The following AFF1 variants were observed in gnomAD, a reference collection of about 807,000 sequenced individuals.
AFF1 encodes AF4/FMR2 family member 1.
A neutral mutation model predicts 121.7 loss-of-function variants in AFF1; 48 were observed. The ratio of observed to expected loss-of-function variants is 0.39; its 90% CI spans 0.31 to 0.50. The LOEUF is 0.50. AFF1 is among the 20% of genes least tolerant of loss of function. AFF1 has a pLI of 0.76. For missense variants in AFF1, 1,523 were observed against 1,511.7 expected (o/e 1.01, Z -0.12); for synonymous variants, 613 against 563.0 (o/e 1.09, Z -1.26).
At chr4:87,028,661 A>G (rs959528964) in intron 2 of AFF1, among the ~76,000 whole-genome samples, 2 of 152,212 alleles carry the variant, frequency 1.3e-5, no homozygotes, top group Non-Finnish European at 2.9e-5. Context: ...TCTCTTGCTG[A>G]GAATTAAAGA....
At chr4:87,128,007 C>CT (rs1728467497) in intron 16 of AFF1, among the ~76,000 whole-genome samples, 1 of 152,160 alleles carries the variant, frequency 6.6e-6, no homozygotes. Context: ...AGTTTTGTAT[C>CT]TAAGTAAGTC....
chr4:87,111,019 T>A lies in AFF1; in HGVS notation c.1533+2704T>A, dbSNP rs1426665345. ...CTTTATTTTTTTTTTTTTATTTTTT[T>A]TTTTTTGAGACGGAGTCTCGCTCTG... On this transcript the variant is annotated intron_variant, in intron 11 of 20. Transcript: ENST00000395146. 1.0e-4 allele frequency among the ~76,000 whole-genome samples: 9 copies of A among 87,412 alleles called. 3 individuals carry two copies. Among genetic ancestry groups the A allele is most frequent in the East Asian group, 3.1e-4 (1 of 3,230 alleles). 57.3% of individuals were successfully genotyped at this position (87,412 alleles called of 152,430 possible).
intron 2 of AFF1, among the ~76,000 whole-genome samples, chr4:86,995,628 G>A (rs1160786442): frequency 6.6e-6 from 1 of 150,870 alleles, no homozygotes; most frequent in Non-Finnish European, 1.5e-5. Context: ...ATGGTGCCCA[G>A]GCTGGAGTGC....
At chr4:87,091,917 A>ATCTCT in intron 7 of AFF1, 88 bp downstream of exon 7, 2 of 857,354 alleles carry the variant, frequency 2.3e-6, no homozygotes, top group Non-Finnish European at 3.7e-6. Context: ...AAAATGCCCC[A>ATCTCT]GCAGAGATGA....
At chr4:87,079,118 G>A (rs866720082) in intron 4 of AFF1, among the ~76,000 whole-genome samples, 2 of 152,036 alleles carry the variant, frequency 1.3e-5, no homozygotes, top group African/African-American at 2.4e-5. Context: ...GGCTTCCCTC[G>A]TCAGCACATT....
chr4:86,962,446 T>A (rs1722221820), intron 2 of AFF1, among the ~76,000 whole-genome samples: 1 of 152,242 alleles, frequency 6.6e-6, no homozygotes, highest in Non-Finnish European at 1.5e-5. Flanking sequence ...GAGTGCTTGG[T>A]ACTCAATAGA....
chr4:87,084,200 T>C (rs760675168), intron 5 of AFF1, 36 bp downstream of exon 5: 4 of 1,596,884 alleles, frequency 2.5e-6, no homozygotes, highest in South Asian at 2.2e-5. Context: ...TTTGAAGAAA[T>C]ATTTAAGTAG....
At chr4:87,075,598 G>A (rs903567672) in intron 4 of AFF1, among the ~76,000 whole-genome samples, 11 of 152,086 alleles carry the variant, frequency 7.2e-5, no homozygotes, top group Non-Finnish European at 1.6e-4. Context: ...CTGACGTTCT[G>A]ATGTTACTGT....
At chr4:86,968,765 G>C (rs182421867) in intron 2 of AFF1, among the ~76,000 whole-genome samples, 2 of 152,324 alleles carry the variant, frequency 1.3e-5, no homozygotes, top group East Asian at 3.9e-4. Context: ...CCATTGGAGG[G>C]TCTCAGGGGG....
At position 87,138,459 on chromosome 4, in the gene AFF1, TAG is replaced by T. The variant is rs1391592755; in HGVS notation, c.*2761_*2762del. On this transcript the variant is annotated 3_prime_UTR_variant, in exon 21 of 21. Coordinates refer to ENST00000395146, the MANE Select transcript of AFF1 (RefSeq NM_001166693.3). ...TGCAAAGCATCTTAAGGAGTGAAAA[TAG>T]AGTGTAAATCTTGCCTTTGGCACTA... is the stretch of plus-strand genomic sequence containing the variant. 4.3e-6 allele frequency: 1 copy of T among 232,136 alleles called. No homozygotes were observed. Among genetic ancestry groups the T allele is most frequent in the African/African-American group, 2.2e-5 (1 of 45,112 alleles). The allele number at this position is 232,136 out of a possible 1,614,324, so 14.4% of individuals were successfully genotyped here.
chr4:87,028,111 A>C (rs1728711211), intron 2 of AFF1, among the ~76,000 whole-genome samples: 1 of 152,166 alleles, frequency 6.6e-6, no homozygotes, highest in African/African-American at 2.4e-5. Flanking sequence ...AAAACACTTA[A>C]GGTCCCAAGC....
In AFF1 at chr4:86,973,294, A is replaced by T. The variant is rs371050341; in HGVS notation, c.38+24723A>T. Among the ~76,000 whole-genome samples, 30 of 152,270 alleles carry T rather than the reference A, an allele frequency of 2.0e-4. No homozygotes were observed. In the East Asian group the frequency reaches 5.4e-3, roughly 27 times the overall value. ...GGAGAGACCAGTTTGGTTGGATCCC[A>T]TGCCCGTTAACACCTGGGTGCTGCA... On this transcript the variant is annotated intron_variant, in intron 2 of 20. Coordinates refer to ENST00000395146, the MANE Select transcript of AFF1 (RefSeq NM_001166693.3).
chr4:87,132,998 G>A (rs1475493238), intron 19 of AFF1, among the ~76,000 whole-genome samples: 2 of 152,216 alleles, frequency 1.3e-5, no homozygotes, highest in African/African-American at 4.8e-5. Flanking sequence ...ACCTGGCCGA[G>A]CTTTGAGGAT....
intron 2 of AFF1, among the ~76,000 whole-genome samples, chr4:86,974,331 G>A (rs1723145534): frequency 6.6e-6 from 1 of 152,018 alleles, no homozygotes; most frequent in South Asian, 2.1e-4. Flanking sequence ...TGTATTTTTA[G>A]TAGAGACGGG....
At chr4:87,056,541 C>T (rs967615139) in intron 4 of AFF1, among the ~76,000 whole-genome samples, 4 of 151,900 alleles carry the variant, frequency 2.6e-5, no homozygotes, top group African/African-American at 4.8e-5. Context: ...TTTTCATGCT[C>T]GAGAACATGG....
At chr4:87,106,584 TGCTTTTCAAAATGACCAGCA>T (rs1287379524) in intron 10 of AFF1, among the ~76,000 whole-genome samples, 4 of 152,234 alleles carry the variant, frequency 2.6e-5, no homozygotes. Flanking sequence ...TTGTTTCAGC[TGCTTTTCAAAATGACCAGCA>T]GTACATTTTA....
rs115667123 is a variant in AFF1 at position 87,100,922 on chromosome 4, C to T, written c.1284-4706C>T. Among the ~76,000 whole-genome samples the T allele has an allele frequency of 2.5e-3, 374 of 152,314 alleles. 1 individual carries two copies. The highest frequency in any genetic ancestry group is 8.7e-3 in the African/African-American group (361 of 41,566). The stretch of plus-strand genomic sequence containing the variant: ...CTTATTTGACATCAGATAATCTTCA[C>T]TTCGTCCATGGAGTTTAAATAATCT... On this transcript the variant is annotated intron_variant, in intron 8 of 20. Transcript: ENST00000395146.
intron 4 of AFF1, among the ~76,000 whole-genome samples, chr4:87,077,650 G>GT (rs1722802422): frequency 6.6e-6 from 1 of 151,840 alleles, no homozygotes; most frequent in Non-Finnish European, 1.5e-5. Flanking sequence ...ATTCCCAGTG[G>GT]TATTTTATGC....
intron 4 of AFF1, among the ~76,000 whole-genome samples, chr4:87,062,471 T>C (rs1290651519): frequency 6.6e-6 from 1 of 152,290 alleles, no homozygotes; most frequent in East Asian, 1.9e-4. Context: ...ATAGGAACTT[T>C]GGAGAGACAC....
Sources: gnomAD v4.1 joint callset for allele counts (sites outside exome capture counted in the v4.1 genomes callset) on GRCh38, gnomAD v4.1.1 for gene constraint, MANE v1.5 for transcripts, NCBI Gene and HGNC (gene_info 2026-07-23, HGNC 2026-07-21) for gene names.